FGF13: variants seen among roughly 807,000 people sequenced by gnomAD.
FGF13 encodes fibroblast growth factor homologous factor 2.
FGF13 carries 2 observed loss-of-function variants against 19.5 expected under a neutral mutation model. The ratio of observed to expected loss-of-function variants is 0.10; its 90% CI spans 0.04 to 0.32. The LOEUF (loss-of-function observed/expected upper bound fraction) is 0.32, where lower values mean the gene tolerates loss of function less well. Ranked by LOEUF, FGF13 falls within the 10% of genes least tolerant of loss-of-function variation. FGF13 has a pLI of 1.00. For missense variants in FGF13, 113 were observed against 192.7 expected, an observed-to-expected ratio of 0.59 and a Z score of 2.45; for synonymous variants, 72 against 76.9, an observed-to-expected ratio of 0.94 and a Z score of 0.33.
chrX:139,164,598 A>G (rs7056954), intron 1 of FGF13, among the ~76,000 whole-genome samples: 7,184 of 109,472 alleles, frequency 0.066, 519 homozygotes, highest in African/African-American at 0.22. Context: ...GCCGAGGTGG[A>G]AGGATTGCTT....
chrX:138,700,952 T>C (rs953748685), intron 3 of FGF13, among the ~76,000 whole-genome samples: 1 of 112,056 alleles, frequency 8.9e-6, no homozygotes, highest in Non-Finnish European at 1.9e-5. Context: ...GGAATAATGA[T>C]TAATTTGAAT....
At chrX:139,055,102 C>T (rs1214172931) in intron 1 of FGF13, among the ~76,000 whole-genome samples, 2 of 110,820 alleles carry the variant, frequency 1.8e-5, no homozygotes, top group African/African-American at 6.6e-5. Context: ...TTAGGGTTTT[C>T]GAGGTAAACA....
rs148812436 is a variant in FGF13 at position 139,202,889 on chromosome X, C to A, written c.-113+527G>T. ...GGGACTCGGCGTGGGTCGCTGCGGT[C>A]CAGTGTGCTTGGGGCCCTCAGGGCT... On this transcript the variant is annotated intron_variant, in intron 1 of 2. Transcript: ENST00000421460. Among the ~76,000 whole-genome samples, 10 of 111,603 alleles carry A rather than the reference C, an allele frequency of 9.0e-5. 1 individual carries two copies. In the East Asian group the frequency reaches 2.6e-3, roughly 29 times the overall value.
chrX:138,903,776 T>C (rs116591052), intron 1 of FGF13, among the ~76,000 whole-genome samples: 2,820 of 111,836 alleles, frequency 0.025, 89 homozygotes, highest in African/African-American at 0.087. Context: ...TAAACTAAAT[T>C]ACCTTGCATA....
chrX:139,161,617 T>C (rs1473235182), intron 1 of FGF13, among the ~76,000 whole-genome samples: 1 of 112,098 alleles, frequency 8.9e-6, no homozygotes, highest in Non-Finnish European at 1.9e-5. Context: ...ATTGTCTCTG[T>C]ATGCACATGA....
chrX:138,814,915 A>G (rs1261670921), intron 3 of FGF13, among the ~76,000 whole-genome samples: 1 of 111,912 alleles, frequency 8.9e-6, no homozygotes, highest in Non-Finnish European at 1.9e-5. Flanking sequence ...GTTATTTACA[A>G]TACTCAAGAT....
intron 2 of FGF13, among the ~76,000 whole-genome samples, chrX:138,705,605 T>C (rs186928861): frequency 9.9e-4 from 111 of 112,251 alleles, no homozygotes; most frequent in Non-Finnish European, 6.8e-4. Flanking sequence ...GATTGACTGA[T>C]CATACTACTA....
At chrX:138,679,432 C>T (rs745599204) in intron 3 of FGF13, among the ~76,000 whole-genome samples, 1 of 111,040 alleles carries the variant, frequency 9.0e-6, no homozygotes, top group Non-Finnish European at 1.9e-5. Context: ...CAAGAGCACA[C>T]AGCTTGGGAG....
At chrX:138,731,447 T>C (rs1395628292) in intron 1 of FGF13, among the ~76,000 whole-genome samples, 1 of 91,469 alleles carries the variant, frequency 1.1e-5, no homozygotes, top group Non-Finnish European at 2.2e-5. Context: ...AAGTCATGAG[T>C]AAAAAAAAAA....
chrX:139,030,253 A>G (rs1170928505), intron 1 of FGF13, among the ~76,000 whole-genome samples: 1 of 111,418 alleles, frequency 9.0e-6, no homozygotes, highest in Non-Finnish European at 1.9e-5. Context: ...CCTTGAACCT[A>G]ATAACAAATG....
At chrX:139,062,302 C>T (rs1398105119) in intron 1 of FGF13, among the ~76,000 whole-genome samples, 1 of 111,553 alleles carries the variant, frequency 9.0e-6, no homozygotes, top group Non-Finnish European at 1.9e-5. Context: ...TTCCCAACAA[C>T]ATTTATTAAA....
At chrX:139,114,561 C>T (rs2083626065) in intron 1 of FGF13, among the ~76,000 whole-genome samples, 1 of 111,417 alleles carries the variant, frequency 9.0e-6, no homozygotes, top group Non-Finnish European at 1.9e-5. Context: ...AGGCATTGGA[C>T]TTATCCAACT....
At chrX:138,862,444 CAATAA>C (rs1308580907) in intron 2 of FGF13, among the ~76,000 whole-genome samples, 1 of 111,638 alleles carries the variant, frequency 9.0e-6, no homozygotes, top group Non-Finnish European at 1.9e-5. Flanking sequence ...GTGACTCCAA[CAATAA>C]AATACTTAAA....
intron 1 of FGF13, among the ~76,000 whole-genome samples, chrX:139,072,259 ATCTC>A (rs1258801206): frequency 2.9e-5 from 3 of 102,141 alleles, no homozygotes; most frequent in Non-Finnish European, 6.0e-5. Context: ...AATCAGAAAT[ATCTC>A]TCTCTCTCTC....
intron 3 of FGF13, among the ~76,000 whole-genome samples, chrX:138,750,445 G>A (rs1602783553): frequency 9.1e-6 from 1 of 110,378 alleles, no homozygotes; most frequent in South Asian, 3.9e-4. Context: ...TAGATTCAGG[G>A]GGTACATGTG....
chrX:139,033,227 C>A (rs187104937), intron 1 of FGF13, among the ~76,000 whole-genome samples: 1 of 110,580 alleles, frequency 9.0e-6, no homozygotes, highest in African/African-American at 3.3e-5. Flanking sequence ...AGGTAAGTTA[C>A]ATTTGACATT....
intron 3 of FGF13, among the ~76,000 whole-genome samples, chrX:138,836,012 C>T (rs978759182): frequency 3.6e-5 from 4 of 111,224 alleles, no homozygotes; most frequent in Non-Finnish European, 5.7e-5. Context: ...ATATTGGCCC[C>T]CAATGTCTTC....
At chrX:138,745,611 T>C (rs2090350040) in intron 3 of FGF13, among the ~76,000 whole-genome samples, 1 of 112,322 alleles carries the variant, frequency 8.9e-6, no homozygotes, top group Non-Finnish European at 1.9e-5. Flanking sequence ...ACAAATCAAA[T>C]TACAATCCTT....
Position 138,775,944 on chromosome X carries a change from T to C in FGF13, c.218-67016A>G, listed in dbSNP as rs761703192. ...ATGTGAGGGAGTTGAAACCTTTTCC[T>C]ATTGCCGGTCTCTACCCTGGAGGAG... On this transcript the variant is annotated intron_variant, in intron 3 of 6. Coordinates refer to the FGF13 transcript ENST00000436198. 5.3e-5 allele frequency among the ~76,000 whole-genome samples: 6 copies of C among 112,459 alleles called. No individual in the cohort carries two copies. The South Asian group carries it at 2.2e-3, about 42-fold the overall frequency.
Sources: allele counts gnomAD v4.1 joint callset (sites outside exome capture counted in the v4.1 genomes callset), GRCh38; gene constraint gnomAD v4.1.1; transcripts MANE v1.5; gene names NCBI Gene and HGNC (gene_info 2026-07-23, HGNC 2026-07-21).